Variants in ADAMTS7 observed in about 807,000 individuals in gnomAD.
ADAMTS7 encodes the protein A disintegrin and metalloproteinase with thrombospondin motifs 7.
ADAMTS7 carries 89 observed loss-of-function variants against 172.6 expected under a neutral mutation model. The observed-to-expected ratio is 0.52, with a 90% CI of 0.43 to 0.61. ADAMTS7 has a LOEUF of 0.61. Among genes scored for constraint, ADAMTS7 ranks in the 20% least tolerant of loss-of-function variants. The pLI is 0.00. For synonymous variants in ADAMTS7, 885 were observed against 978.4 expected, an observed-to-expected ratio of 0.90 and a Z score of 1.78; for missense variants, 1,973 against 2,355.6, an observed-to-expected ratio of 0.84 and a Z score of 3.36.
intron 2 of ADAMTS7, among the ~76,000 whole-genome samples, chr15:78,799,799 G>T (rs1193846674): frequency 6.6e-6 from 1 of 151,726 alleles, no homozygotes; most frequent in African/African-American, 2.4e-5. Flanking sequence ...CAGGTGATTT[G>T]AGCTCATATT....
At chr15:78,798,231 C>T (rs2055672719) in intron 2 of ADAMTS7, 118 bp from the exon 3 acceptor site, 1 of 957,190 alleles carries the variant, frequency 1.0e-6, no homozygotes, top group African/African-American at 1.7e-5. Flanking sequence ...CCTGTGACTG[C>T]CCGCGGACAC....
At position 78,766,248 on chromosome 15, in the gene ADAMTS7, A is replaced by C. The variant is rs1357132768; in HGVS notation, c.3663T>G (p.Asp1221Glu). 2.5e-6 allele frequency: 4 copies of C among 1,611,582 alleles called. No homozygotes were observed. Among genetic ancestry groups the C allele is most frequent in the Non-Finnish European group, 3.4e-6 (4 of 1,179,764 alleles). Residue 1221 changes from aspartate (D) to glutamate (E), a missense_variant, in exon 19 of 24, where the codon GAT (aspartate) becomes GAG (glutamate). This residue lies in a region of ADAMTS7 where 771 missense variants were observed against 952.6 expected (regional missense o/e 0.81). Coordinates refer to ENST00000388820, the MANE Select transcript of ADAMTS7 (RefSeq NM_014272.5). ...RDRTNEVFKDDEEPKGRGAPH... is the reference protein window; with the variant it reads ...RDRTNEVFKDEEEPKGRGAPH... Reference sequence around the variant, plus strand: ...GTGCTCCTCGGCCCTTGGGTTCCTCATCATCCTTGAAAACCTCATTGGTCC... The same window carrying C: ...GTGCTCCTCGGCCCTTGGGTTCCTCCTCATCCTTGAAAACCTCATTGGTCC...
chr15:78,798,164 C>A, intron 2 of ADAMTS7, 51 bp from the exon 3 acceptor site: 1 of 1,493,164 alleles, frequency 6.7e-7, no homozygotes, highest in South Asian at 1.4e-5. Flanking sequence ...CTCAGCTGCT[C>A]TTCTTGCACG....
In ADAMTS7 at chr15:78,796,803, G is replaced by A; in HGVS notation, c.623-17C>T. On this transcript the variant is annotated splice_polypyrimidine_tract_variant and intron_variant, in intron 3 of 23. Coordinates refer to ENST00000388820, the MANE Select transcript of ADAMTS7 (RefSeq NM_014272.5). ...CTGGGTACACTGGAGGCCCAGATGG[G>A]GTGGAGTTAGCTGCCAGTGGACAGG... is the stretch of plus-strand genomic sequence containing the variant. 1 of 1,596,202 alleles carries A rather than the reference G, an allele frequency of 6.3e-7. No individual in the cohort carries two copies. Among genetic ancestry groups the A allele is most frequent in the Non-Finnish European group, 8.5e-7 (1 of 1,174,420 alleles).
At chr15:78,794,761 A>G (rs2055622354) in intron 4 of ADAMTS7, among the ~76,000 whole-genome samples, 1 of 152,150 alleles carries the variant, frequency 6.6e-6, no homozygotes. Context: ...TCTGTCACCC[A>G]GGCAGGAGTG....
intron 14 of ADAMTS7, among the ~76,000 whole-genome samples, chr15:78,772,747 GT>G (rs2055271476): frequency 6.6e-6 from 1 of 152,270 alleles, no homozygotes; most frequent in Non-Finnish European, 1.5e-5. Flanking sequence ...CTTGAGCAAC[GT>G]GTGCAAAACA....
In ADAMTS7 at chr15:78,789,813, G is replaced by A. The variant is rs1378142680; in HGVS notation, c.1054C>T (p.Arg352Trp). 2.4e-5 allele frequency: 39 copies of A among 1,601,340 alleles called. No individual in the cohort carries two copies. The highest frequency in any genetic ancestry group is 6.7e-5 in the African/African-American group (5 of 74,850). Residue 352 changes from arginine (R) to tryptophan (W), a missense_variant, in exon 7 of 24, where the codon CGG becomes TGG. Around this residue, in one of 8 missense-constraint regions of ADAMTS7, gnomAD observed 526 missense variants for 662.9 expected, o/e 0.79. Transcript: ENST00000388820. The part of the protein sequence containing the change: ...TRKDLCAAMN[R>W]PCETLGLSHV... ...GACAGTCCCAGGGTCTCACAGGGCC[G>A]GTTCATGGCTGCACACAGGTCCTTT...
Position 78,759,533 on chromosome 15 carries a change from C to A in ADAMTS7, c.4949G>T (p.Arg1650Leu). ...RLSFGFCETL[R>L]LLGRCQLPTI... ...GGGCAGCTGGCAGCGGCCCAGTAGG[C>A]GCAGCGTCTCGCAGAACCCGAAGGA... Residue 1650 changes from arginine to leucine, a missense_variant, in exon 24 of 24, where the codon CGC (arginine) becomes CTC (leucine). By Grantham distance (102) the Arg-to-Leu change is moderately radical. This residue lies in a region of ADAMTS7 where 94 missense variants were observed against 95.4 expected (regional missense o/e 0.99). Transcript: ENST00000388820. 1 of 1,594,818 alleles carries A rather than the reference C, an allele frequency of 6.3e-7. No individual in the cohort carries two copies.
intron 1 of ADAMTS7, among the ~76,000 whole-genome samples, chr15:78,808,074 T>G (rs1458554471): frequency 6.6e-6 from 1 of 152,116 alleles, no homozygotes; most frequent in African/African-American, 2.4e-5. Flanking sequence ...CAGGCTGGTC[T>G]TGAATTTCTG....
In ADAMTS7 at chr15:78,788,331, C is replaced by T. The variant is rs374896426; in HGVS notation, c.1222G>A (p.Val408Ile). The T allele has an allele frequency of 1.5e-5, 25 of 1,613,344 alleles. No homozygotes were observed. The highest frequency in any genetic ancestry group is 6.7e-5 in the Admixed American group (4 of 60,006). Reference protein sequence around the residue: ...HDGSGNDCEPVGKRPFIMSPQ... With the variant: ...HDGSGNDCEPIGKRPFIMSPQ... ...GACATGATGAAAGGTCGTTTCCCAA[C>T]GGGCTCACAGTCATTGCCGCTTCCG... The change falls in exon 8 of 24, where the codon GTT becomes ATT. Residue 408 changes from valine to isoleucine, a missense_variant. Around this residue, in one of 8 missense-constraint regions of ADAMTS7, gnomAD observed 526 missense variants for 662.9 expected, o/e 0.79. Transcript: ENST00000388820.
chr15:78,811,454 AAG>A lies in ADAMTS7; in HGVS notation c.-236_-235del. The A allele has an allele frequency of 6.8e-6, 2 of 292,870 alleles. No individual in the cohort carries two copies. The highest frequency in any genetic ancestry group is 1.2e-5 in the Non-Finnish European group (2 of 160,922). 18.1% of individuals were successfully genotyped at this position (292,870 alleles called of 1,614,324 possible). On this transcript the variant is annotated 5_prime_UTR_variant, in exon 1 of 24. Transcript: ENST00000388820. ...AAGACAAGAGAGCTAGAAGGAGAGA[AAG>A]AAAGAAAGAAAGAAAGGGAGGGAGA...
chr15:78,791,370 G>A, intron 4 of ADAMTS7, 147 bp from the exon 5 acceptor site: 1 of 627,890 alleles, frequency 1.6e-6, no homozygotes. Flanking sequence ...AGGCTGCACA[G>A]TGGACAGGCG....
intron 23 of ADAMTS7, among the ~76,000 whole-genome samples, chr15:78,759,883 C>A (rs1315742412): frequency 6.6e-6 from 1 of 152,166 alleles, no homozygotes; most frequent in East Asian, 1.9e-4. Context: ...CAGGGCGACG[C>A]CTTGCCACCC....
chr15:78,782,120 C>G (rs2141498172), intron 8 of ADAMTS7, among the ~76,000 whole-genome samples: 2 of 152,094 alleles, frequency 1.3e-5, no homozygotes, highest in South Asian at 4.1e-4. Flanking sequence ...CAACCTCCAC[C>G]TCCCAGGTTC....
At chr15:78,767,172 C>T in intron 18 of ADAMTS7, 121 bp from the exon 19 acceptor site, 2 of 1,200,668 alleles carry the variant, frequency 1.7e-6, no homozygotes, top group Non-Finnish European at 2.3e-6. Flanking sequence ...CCAGCCAGCC[C>T]TCTCTGGCCC....
chr15:78,781,448 A>G (rs1442416735), intron 8 of ADAMTS7, among the ~76,000 whole-genome samples: 1 of 151,408 alleles, frequency 6.6e-6, no homozygotes, highest in East Asian at 1.9e-4. Flanking sequence ...CCTCCCAAAC[A>G]CCCCTCCATT....
intron 1 of ADAMTS7, among the ~76,000 whole-genome samples, chr15:78,804,917 T>G (rs547662759): frequency 9.8e-5 from 15 of 152,318 alleles, no homozygotes; most frequent in African/African-American, 3.6e-4. Context: ...AGCTATGTTT[T>G]TACCAAGAGC....
At chr15:78,795,612 A>G (rs1362366048) in intron 4 of ADAMTS7, among the ~76,000 whole-genome samples, 1 of 152,112 alleles carries the variant, frequency 6.6e-6, no homozygotes, top group African/African-American at 2.4e-5. Flanking sequence ...GCAGCATAGG[A>G]TCCTGGCCCC....
At position 78,767,444 on chromosome 15, in the gene ADAMTS7, T is replaced by G; in HGVS notation, c.2794A>C (p.Thr932Pro). ...PACEHLPRPP[T>P]ETPCNRHVPC... Reference sequence around the variant, plus strand: ...ACATGGCGGTTGCAAGGGGTTTCAGTAGGGGGCCGGGGAAGGTGTTCACAG... The same window carrying G: ...ACATGGCGGTTGCAAGGGGTTTCAGGAGGGGGCCGGGGAAGGTGTTCACAG... Residue 932 changes from threonine to proline, a missense_variant, in exon 18 of 24, where the codon ACT becomes CCT. By Grantham distance (38) the Thr-to-Pro change is conservative (BLOSUM62 -1). Transcript: ENST00000388820. 7 of 1,611,760 alleles carry G rather than the reference T, an allele frequency of 4.3e-6. No individual in the cohort carries two copies. Among genetic ancestry groups the G allele is most frequent in the South Asian group, 3.3e-5 (3 of 90,980 alleles).
Sources: gnomAD v4.1 joint callset for allele counts (sites outside exome capture counted in the v4.1 genomes callset) on GRCh38, gnomAD v4.1.1 for gene constraint, gnomAD v4.1.1 regional missense constraint, MANE v1.5 for transcripts, NCBI Gene and HGNC (gene_info 2026-07-23, HGNC 2026-07-21) for gene names.